OPCML: variants seen among roughly 807,000 people sequenced by gnomAD.
OPCML encodes the protein opioid binding protein/cell adhesion molecule like.
OPCML carries 13 observed loss-of-function variants against 37.8 expected under a neutral mutation model. The ratio of observed to expected loss-of-function variants is 0.34; its 90% CI spans 0.22 to 0.55. The LOEUF is 0.55. Among genes scored for constraint, OPCML ranks in the 20% least tolerant of loss-of-function variants. The pLI, the probability that OPCML is intolerant of heterozygous loss-of-function variation, is 0.91. For synonymous variants in OPCML, 176 were observed against 168.8 expected, an observed-to-expected ratio of 1.04 and a Z score of -0.33; for missense variants, 341 against 435.6, an observed-to-expected ratio of 0.78 and a Z score of 1.93.
rs900639697 is a variant in OPCML at position 132,611,356 on chromosome 11, C to T, written c.379+45731G>A. Reference sequence around the variant, plus strand: ...CATTTCCCTAACCCCAATCCACTGCCGTTCAGTTCCAATCCTCACTTCTCC... The same window carrying T: ...CATTTCCCTAACCCCAATCCACTGCTGTTCAGTTCCAATCCTCACTTCTCC... On this transcript the variant is annotated intron_variant, in intron 3 of 7. Coordinates refer to ENST00000524381, the MANE Select transcript of OPCML (RefSeq NM_001012393.5). Among the ~76,000 whole-genome samples the T allele has an allele frequency of 8.5e-5, 13 of 152,178 alleles. No individual in the cohort carries two copies. The South Asian group carries it at 2.1e-3, about 24-fold the overall frequency.
rs763275256 is a variant in OPCML at position 132,436,147 on chromosome 11, C to T, written c.855G>A (p.Gly285=). 9 of 1,614,172 alleles carry T rather than the reference C, an allele frequency of 5.6e-6. No individual in the cohort carries two copies. Among genetic ancestry groups the T allele is most frequent in the Admixed American group, 1.7e-5 (1 of 60,028 alleles). ...TFFNVSEKDY[G]NYTCVATNKL... is the part of the protein sequence containing the mutation. ...TGTTCGTGGCCACACAAGTATAGTT[C>T]CCATAATCCTTTTCTGAAACATTGA... The change falls in exon 7 of 8, where the codon GGG becomes GGA. Residue 285 remains glycine, a synonymous_variant. Coordinates refer to ENST00000524381, the MANE Select transcript of OPCML (RefSeq NM_001012393.5).
chr11:132,990,412 T>G (rs7952298), intron 1 of OPCML, among the ~76,000 whole-genome samples: 35,242 of 152,176 alleles, frequency 0.23, 4,291 homozygotes, highest in African/African-American at 0.29. Context: ...AAAGAATTAT[T>G]GCCTATATTC....
chr11:133,336,732 A>G (rs1470198125), intron 1 of OPCML, among the ~76,000 whole-genome samples: 1 of 152,224 alleles, frequency 6.6e-6, no homozygotes, highest in African/African-American at 2.4e-5. Flanking sequence ...CTTTTAGTGA[A>G]TGTCCTTGCT....
At chr11:133,035,477 G>A (rs1455445294) in intron 1 of OPCML, among the ~76,000 whole-genome samples, 1 of 152,170 alleles carries the variant, frequency 6.6e-6, no homozygotes, top group African/African-American at 2.4e-5. Context: ...TAGTGGTAAG[G>A]AGTCAGGAAA....
chr11:132,433,336 A>T (rs1321443611), intron 7 of OPCML, among the ~76,000 whole-genome samples: 1 of 152,156 alleles, frequency 6.6e-6, no homozygotes, highest in Non-Finnish European at 1.5e-5. Context: ...AGGTCAGAAA[A>T]TATCACCCTA....
chr11:133,476,519 CT>C (rs1437913149), intron 1 of OPCML, among the ~76,000 whole-genome samples: 1 of 152,004 alleles, frequency 6.6e-6, no homozygotes, highest in South Asian at 2.1e-4. Context: ...GTGAATTTGC[CT>C]TTTTTTCAGT....
Position 133,264,700 on chromosome 11 carries a change from A to G in OPCML, c.61+267564T>C, listed in dbSNP as rs150777989. Among the ~76,000 whole-genome samples the G allele has an allele frequency of 3.3e-5, 5 of 152,260 alleles. No individual in the cohort carries two copies. The East Asian group carries it at 9.6e-4, about 29-fold the overall frequency. ...GATTCCTCAACTTTCAATCAACTCT[A>G]TAATAATACCTCCTTTACCTAATTC... On this transcript the variant is annotated intron_variant, in intron 1 of 7. Coordinates refer to ENST00000524381, the MANE Select transcript of OPCML (RefSeq NM_001012393.5).
chr11:133,367,905 G>C (rs1944581337), intron 1 of OPCML, among the ~76,000 whole-genome samples: 1 of 152,116 alleles, frequency 6.6e-6, no homozygotes, highest in African/African-American at 2.4e-5. Flanking sequence ...GTGCAATGTG[G>C]GCCTGTTTCC....
At chr11:132,826,233 A>T (rs1940323697) in intron 2 of OPCML, among the ~76,000 whole-genome samples, 1 of 152,226 alleles carries the variant, frequency 6.6e-6, no homozygotes, top group Non-Finnish European at 1.5e-5. Context: ...CAGAAATTCC[A>T]GTACAAAACA....
At chr11:132,989,457 C>T (rs73586484) in intron 1 of OPCML, among the ~76,000 whole-genome samples, 3,926 of 152,128 alleles carry the variant, frequency 0.026, 160 homozygotes, top group African/African-American at 0.091. Flanking sequence ...TTTAGAGACT[C>T]ATATGTATGT....
chr11:133,207,770 C>T (rs1183995399), intron 1 of OPCML, among the ~76,000 whole-genome samples: 3 of 152,134 alleles, frequency 2.0e-5, no homozygotes, highest in Non-Finnish European at 2.9e-5. Context: ...TATTTGGCAG[C>T]CCAGGCTTCT....
chr11:133,204,895 T>TATACAC (rs2136327416), intron 1 of OPCML, among the ~76,000 whole-genome samples: 1 of 127,310 alleles, frequency 7.9e-6, no homozygotes, highest in East Asian at 2.5e-4. Flanking sequence ...TATATATATA[T>TATACAC]ATATATATAT....
At position 133,125,990 on chromosome 11, in the gene OPCML, GTATA is replaced by G. The variant is rs935143381; in HGVS notation, c.62-182984_62-182981del. 5.1e-3 allele frequency among the ~76,000 whole-genome samples: 740 copies of G among 145,008 alleles called. 3 individuals are homozygous for G. The highest frequency in any genetic ancestry group is 0.018 in the African/African-American group (720 of 39,040). ...TATATACATGTATATATAGACACACGTATATATACATGTATAGACACATATGTGT... is the reference window on the plus strand; with the variant it reads ...TATATACATGTATATATAGACACACGTATACATGTATAGACACATATGTGT... On this transcript the variant is annotated intron_variant, in intron 1 of 7. Coordinates refer to ENST00000524381, the MANE Select transcript of OPCML (RefSeq NM_001012393.5).
At chr11:133,352,269 C>A (rs954863256) in intron 1 of OPCML, among the ~76,000 whole-genome samples, 7 of 152,318 alleles carry the variant, frequency 4.6e-5, no homozygotes, top group Non-Finnish European at 8.8e-5. Flanking sequence ...GAAGCTTTCC[C>A]ATTGTCACCA....
intron 2 of OPCML, among the ~76,000 whole-genome samples, chr11:132,811,441 C>G (rs1020539218): frequency 4.0e-5 from 6 of 151,820 alleles, no homozygotes; most frequent in African/African-American, 1.5e-4. Flanking sequence ...CAGATTTTCT[C>G]CCATACTGTG....
At chr11:133,223,193 T>G (rs11223403) in intron 1 of OPCML, among the ~76,000 whole-genome samples, 23,693 of 152,130 alleles carry the variant, frequency 0.16, 3,015 homozygotes, top group African/African-American at 0.34. Flanking sequence ...GGCCTAACCA[T>G]TGTCTGTCTT....
intron 1 of OPCML, among the ~76,000 whole-genome samples, chr11:133,447,347 T>C (rs1268866281): frequency 2.0e-5 from 3 of 152,248 alleles, no homozygotes; most frequent in African/African-American, 7.2e-5. Flanking sequence ...CCTATTTAAA[T>C]CCCTTGGTCT....
At chr11:132,510,748 T>C (rs1191246393) in intron 4 of OPCML, among the ~76,000 whole-genome samples, 1 of 152,160 alleles carries the variant, frequency 6.6e-6, no homozygotes, top group Non-Finnish European at 1.5e-5. Context: ...TGTTCCTATG[T>C]CTTTATCAGC....
At chr11:133,203,278 C>T (rs1008541798) in intron 1 of OPCML, among the ~76,000 whole-genome samples, 2 of 152,228 alleles carry the variant, frequency 1.3e-5, no homozygotes, top group Non-Finnish European at 2.9e-5. Flanking sequence ...AGCTGCCTGG[C>T]AGCCCCTCAA....
Sources: gnomAD v4.1 joint callset for allele counts (sites outside exome capture counted in the v4.1 genomes callset) on GRCh38, gnomAD v4.1.1 for gene constraint, MANE v1.5 for transcripts, NCBI Gene and HGNC (gene_info 2026-07-23, HGNC 2026-07-21) for gene names.